The following TRMT2B variants were observed in gnomAD, a reference collection of about 807,000 sequenced individuals.
TRMT2B encodes tRNA (uracil-5-)-methyltransferase homolog B.
In TRMT2B, 34 loss-of-function variants were observed where a neutral mutation model predicts 39.7. The observed-to-expected ratio is 0.86, with a 90% confidence interval of 0.65 to 1.14. The LOEUF (loss-of-function observed/expected upper bound fraction) is 1.14. Ranked by LOEUF, TRMT2B falls within the 50% of genes most tolerant of loss-of-function variation. The probability of loss-of-function intolerance (pLI) is 0.00; values close to 1 mark genes in which losing one functional copy is unlikely to be tolerated. For missense variants in TRMT2B, 318 were observed against 377.2 expected, an observed-to-expected ratio of 0.84 and a Z score of 1.30; for synonymous variants, 132 against 137.3, an observed-to-expected ratio of 0.96 and a Z score of 0.27.
At chrX:101,023,646 C>G (rs2086904578) in intron 7 of TRMT2B, 30 bp from the exon 8 acceptor site, 1 of 1,171,168 alleles carries the variant, frequency 8.5e-7, no homozygotes, top group Non-Finnish European at 1.2e-6. Flanking sequence ...ATTACACAAG[C>G]AAAACTAGCA....
chrX:101,004,151 C>G, the TRMT2B span, among the ~76,000 whole-genome samples: 6 of 111,383 alleles, frequency 5.4e-5, no homozygotes, highest in African/African-American at 2.0e-4. Context: ...TACACGTGTG[C>G]ACCACTGTGC....
At chrX:101,016,642 G>GTGTTTTTTTT (rs760927979) in intron 13 of TRMT2B, among the ~76,000 whole-genome samples, 1 of 57,616 alleles carries the variant, frequency 1.7e-5, no homozygotes, top group African/African-American at 7.3e-5. Flanking sequence ...AATTTTCGTG[G>GTGTTTTTTTT]TTTTTTTTTT....
In TRMT2B at chrX:101,035,509, C is replaced by T. The variant is rs886720185; in HGVS notation, c.609+104G>A. 6 of 689,137 alleles carry T rather than the reference C, an allele frequency of 8.7e-6. No individual in the cohort carries two copies. The African/African-American group carries it at 1.3e-4, about 15-fold the overall frequency. 56.8% of individuals were successfully genotyped at this position (689,137 alleles called of 1,213,427 possible). On this transcript the variant is annotated intron_variant, in intron 7 of 13. Transcript: ENST00000372936. ...TGCTTTCAGTACAGAGCCCCTCCTT[C>T]CCTCTAGCACTAGAATTGGCTCTAT...
intron 7 of TRMT2B, among the ~76,000 whole-genome samples, chrX:101,030,636 T>G (rs1334494134): frequency 1.8e-5 from 2 of 108,420 alleles, no homozygotes; most frequent in East Asian, 5.8e-4. Flanking sequence ...TTAGTAGAGA[T>G]AGGGTTTCAC....
chrX:100,976,437 G>T, the TRMT2B span, among the ~76,000 whole-genome samples: 4,931 of 110,952 alleles, frequency 0.044, 125 homozygotes, highest in East Asian at 0.19. Context: ...TCTATTGGTT[G>T]TGACTACATT....
At chrX:101,002,367 A>G in the TRMT2B span, among the ~76,000 whole-genome samples, 1 of 112,423 alleles carries the variant, frequency 8.9e-6, no homozygotes, top group African/African-American at 3.2e-5. Context: ...AGCAATTATT[A>G]TACTAACTTC....
At chrX:100,988,214 G>A in the TRMT2B span, 1 of 1,206,433 alleles carries the variant, frequency 8.3e-7, no homozygotes, top group African/African-American at 1.8e-5. Flanking sequence ...GAACAGGAAT[G>A]TCAAAGGAGA....
chrX:101,022,665 C>T (rs1431010298), intron 8 of TRMT2B, among the ~76,000 whole-genome samples: 2 of 107,720 alleles, frequency 1.9e-5, no homozygotes, highest in Admixed American at 1.0e-4. Flanking sequence ...GGTGTGGTGA[C>T]GTATGCCTGT....
At chrX:100,998,259 C>CAA in the TRMT2B span, among the ~76,000 whole-genome samples, 1,324 of 48,647 alleles carry the variant, frequency 0.027, 56 homozygotes, top group African/African-American at 0.086. Context: ...GACTCCATCT[C>CAA]AAAAAAAAAA....
At chrX:101,043,002 C>T (rs1345705562) in intron 2 of TRMT2B, among the ~76,000 whole-genome samples, 1 of 112,011 alleles carries the variant, frequency 8.9e-6, no homozygotes, top group African/African-American at 3.2e-5. Flanking sequence ...AGCAGTGGCT[C>T]ACACCTGTAA....
At chrX:101,048,437 T>C (rs1349939952) in intron 2 of TRMT2B, among the ~76,000 whole-genome samples, 1 of 101,482 alleles carries the variant, frequency 9.9e-6, no homozygotes, top group Non-Finnish European at 2.0e-5. Context: ...TTTGAAGCCA[T>C]GTTCTTTGTT....
the TRMT2B span, chrX:100,988,236 C>A: frequency 8.3e-7 from 1 of 1,209,326 alleles, no homozygotes; most frequent in Non-Finnish European, 1.1e-6. Context: ...AAGACAGCAT[C>A]TAGAACAATG....
chrX:101,036,895 G>T, intron 6 of TRMT2B, 79 bp downstream of exon 6: 1 of 765,619 alleles, frequency 1.3e-6, no homozygotes, highest in Non-Finnish European at 2.0e-6. Context: ...TAAGGCCACC[G>T]TATTTTCCAC....
chrX:101,005,573 CT>C (rs10567072), downstream of TRMT2B, among the ~76,000 whole-genome samples: 1,339 of 91,705 alleles, frequency 0.015, 16 homozygotes, highest in Middle Eastern at 0.033. Flanking sequence ...ATTCAGCTGC[CT>C]TTTTTTTTTT....
chrX:101,013,742 C>CAA (rs149508279), intron 13 of TRMT2B: 9 of 38,869 alleles, frequency 2.3e-4, no homozygotes, highest in African/African-American at 3.6e-4. Context: ...GACTCCGTCT[C>CAA]AAAAAAAAAA....
chrX:101,018,535 T>C (rs1350399245), intron 13 of TRMT2B, among the ~76,000 whole-genome samples: 1 of 108,149 alleles, frequency 9.2e-6, no homozygotes, highest in African/African-American at 3.4e-5. Context: ...CTGCAACCTC[T>C]GCCTCCCGGG....
Position 101,030,451 on chromosome X carries a change from A to ATTTTTTTTTTTTTTTT in TRMT2B, c.609+5161_609+5162insAAAAAAAAAAAAAAAA, listed in dbSNP as rs1248355991. ...GCAGGAAAAGCCTATATAGATCTGC[A>ATTTTTTTTTTTTTTTT]TTCTTTTTTTTTTTTTTCAGATGGA... On this transcript the variant is annotated intron_variant, in intron 7 of 13. Coordinates refer to ENST00000372936, the MANE Select transcript of TRMT2B (RefSeq NM_024917.6). 4.9e-4 allele frequency among the ~76,000 whole-genome samples: 23 copies of ATTTTTTTTTTTTTTTT among 46,541 alleles called. 1 individual carries two copies. The highest frequency in any genetic ancestry group is 6.7e-4 in the Non-Finnish European group (17 of 25,489). 40.4% of individuals were successfully genotyped at this position (46,541 alleles called of 115,157 possible).
the TRMT2B span, chrX:100,987,585 G>A: frequency 2.5e-6 from 3 of 1,197,893 alleles, no homozygotes; most frequent in Admixed American, 6.6e-5. Context: ...GAGATTTGCT[G>A]ATAAGAAAAG....
chrX:100,999,110 G>C, the TRMT2B span, among the ~76,000 whole-genome samples: 1 of 112,210 alleles, frequency 8.9e-6, no homozygotes, highest in African/African-American at 3.2e-5. Context: ...CATGTATCAT[G>C]AATGTCCCTA....
Sources: allele counts gnomAD v4.1 joint callset (sites outside exome capture counted in the v4.1 genomes callset), GRCh38; gene constraint gnomAD v4.1.1; transcripts MANE v1.5; gene names NCBI Gene and HGNC (gene_info 2026-07-23, HGNC 2026-07-21).